CNTN5: variants seen among roughly 807,000 people sequenced by gnomAD.
CNTN5 encodes contactin 5, also known as contactin-5.
In CNTN5, 77 loss-of-function variants were observed where a neutral mutation model predicts 129.1. That is an observed-to-expected ratio of 0.60 (90% CI 0.50 to 0.72). CNTN5 has a LOEUF of 0.72. CNTN5 is among the 30% of genes least tolerant of loss of function. The pLI, the probability that CNTN5 is intolerant of heterozygous loss-of-function variation, is 0.00. For synonymous variants in CNTN5, 509 were observed against 465.6 expected (o/e 1.09, Z -1.20); for missense variants, 1,478 against 1,328.8 (o/e 1.11, Z -1.75).
intron 7 of CNTN5, among the ~76,000 whole-genome samples, chr11:99,921,061 T>A (rs1163010174): frequency 6.6e-6 from 1 of 152,136 alleles, no homozygotes; most frequent in Admixed American, 6.5e-5. Flanking sequence ...AAAGCCCTCA[T>A]CAGAAACCAA....
chr11:100,052,783 G>A (rs1424167231), intron 9 of CNTN5, among the ~76,000 whole-genome samples: 1 of 151,664 alleles, frequency 6.6e-6, no homozygotes, highest in South Asian at 2.1e-4. Flanking sequence ...TAGAAGACTT[G>A]CACTACTTAA....
At chr11:99,847,139 A>G (rs546453023) in intron 6 of CNTN5, among the ~76,000 whole-genome samples, 3 of 152,376 alleles carry the variant, frequency 2.0e-5, no homozygotes, top group African/African-American at 7.2e-5. Context: ...GATACAAGGT[A>G]TACCAGTTAG....
chr11:99,862,175 C>A lies in CNTN5; in HGVS notation c.577+16913C>A, dbSNP rs147499123. On this transcript the variant is annotated intron_variant, in intron 6 of 24. Transcript: ENST00000524871. ...GTTTACAACCCTGGCATCTCTGCATCATATTTAATATGATACTTCCTTTCA... is the reference window on the plus strand; with the variant it reads ...GTTTACAACCCTGGCATCTCTGCATAATATTTAATATGATACTTCCTTTCA... 6.6e-3 allele frequency among the ~76,000 whole-genome samples: 1,009 copies of A among 152,256 alleles called. 10 individuals carry two copies. The highest frequency in any genetic ancestry group is 0.023 in the African/African-American group (945 of 41,552).
chr11:99,209,477 C>G (rs1480479927), intron 1 of CNTN5, among the ~76,000 whole-genome samples: 1 of 15,208 alleles, frequency 6.6e-5, no homozygotes, highest in Non-Finnish European at 1.0e-4. Flanking sequence ...GCAAGTAGAT[C>G]TTGCATGAAC....
chr11:100,077,517 G>A (rs1430718209), intron 13 of CNTN5, among the ~76,000 whole-genome samples: 1 of 151,954 alleles, frequency 6.6e-6, no homozygotes. Flanking sequence ...TAACATAATA[G>A]TATATTATGA....
chr11:99,198,024 T>A (rs976813439), intron 1 of CNTN5, among the ~76,000 whole-genome samples: 1 of 152,118 alleles, frequency 6.6e-6, no homozygotes, highest in Non-Finnish European at 1.5e-5. Flanking sequence ...TTGATGAGAA[T>A]TCGCTGGTAT....
At chr11:100,188,492 T>G (rs765384587) in intron 13 of CNTN5, among the ~76,000 whole-genome samples, 28 of 151,924 alleles carry the variant, frequency 1.8e-4, no homozygotes, top group South Asian at 6.2e-4. Context: ...GAAAAAATGA[T>G]CCACATTACT....
At chr11:99,507,113 C>T (rs1946652316) in intron 2 of CNTN5, among the ~76,000 whole-genome samples, 1 of 152,040 alleles carries the variant, frequency 6.6e-6, no homozygotes, top group Non-Finnish European at 1.5e-5. Flanking sequence ...AAGTTTTTCT[C>T]ACACCTGTAA....
At chr11:99,082,552 T>A (rs1239414068) in intron 1 of CNTN5, among the ~76,000 whole-genome samples, 1 of 152,174 alleles carries the variant, frequency 6.6e-6, no homozygotes, top group Non-Finnish European at 1.5e-5. Context: ...TTCATTTTAG[T>A]GCAAGGAATT....
At chr11:100,045,081 A>G (rs567035972) in intron 9 of CNTN5, among the ~76,000 whole-genome samples, 1 of 151,500 alleles carries the variant, frequency 6.6e-6, no homozygotes, top group East Asian at 2.0e-4. Flanking sequence ...TCGTGTATCT[A>G]CTTACCCCTA....
intron 6 of CNTN5, among the ~76,000 whole-genome samples, chr11:99,910,400 TGAC>T (rs1381651085): frequency 6.6e-6 from 1 of 152,094 alleles, no homozygotes; most frequent in Non-Finnish European, 1.5e-5. Context: ...TGCAGACAAA[TGAC>T]TATGTATTAG....
intron 1 of CNTN5, among the ~76,000 whole-genome samples, chr11:99,173,041 G>T (rs1487023206): frequency 6.6e-6 from 1 of 152,184 alleles, no homozygotes; most frequent in Non-Finnish European, 1.5e-5. Flanking sequence ...GAGAGCTTAT[G>T]CAGGGCAACT....
intron 1 of CNTN5, among the ~76,000 whole-genome samples, chr11:99,323,310 A>G (rs983810921): frequency 3.3e-5 from 5 of 152,174 alleles, no homozygotes; most frequent in African/African-American, 9.6e-5. Context: ...TCATCACAAC[A>G]TACTGTCTTA....
chr11:99,071,184 A>G (rs1203470128), intron 1 of CNTN5, among the ~76,000 whole-genome samples: 1 of 152,166 alleles, frequency 6.6e-6, no homozygotes, highest in African/African-American at 2.4e-5. Context: ...GGCTCAAAGA[A>G]CATAAAATAT....
intron 1 of CNTN5, among the ~76,000 whole-genome samples, chr11:99,234,499 AT>A (rs1429449910): frequency 6.6e-6 from 1 of 150,976 alleles, no homozygotes; most frequent in East Asian, 1.9e-4. Context: ...CTATTATGTA[AT>A]TTCACCCATA....
chr11:99,877,753 T>C (rs1206760866), intron 6 of CNTN5, among the ~76,000 whole-genome samples: 2 of 152,238 alleles, frequency 1.3e-5, no homozygotes, highest in African/African-American at 2.4e-5. Flanking sequence ...ATTTGCATTA[T>C]AGGTTTTCAA....
intron 13 of CNTN5, among the ~76,000 whole-genome samples, chr11:100,096,339 C>T (rs185834878): frequency 6.8e-4 from 104 of 152,106 alleles, no homozygotes; most frequent in Non-Finnish European, 1.1e-3. Context: ...AAAGAGATCG[C>T]GCTTTCAATA....
chr11:99,550,030 G>C (rs930695387), intron 2 of CNTN5, among the ~76,000 whole-genome samples: 1 of 151,940 alleles, frequency 6.6e-6, no homozygotes, highest in African/African-American at 2.4e-5. Context: ...TTTTGTTGAG[G>C]CTTAAAAAAT....
At chr11:100,262,844 C>T (rs908945910) in intron 17 of CNTN5, among the ~76,000 whole-genome samples, 6 of 150,846 alleles carry the variant, frequency 4.0e-5, no homozygotes, top group East Asian at 2.0e-4. Flanking sequence ...ATGTAGATGA[C>T]GGGTTGATGG....
Sources: gnomAD v4.1 joint callset for allele counts (sites outside exome capture counted in the v4.1 genomes callset) on GRCh38, gnomAD v4.1.1 for gene constraint, MANE v1.5 for transcripts, NCBI Gene and HGNC (gene_info 2026-07-23, HGNC 2026-07-21) for gene names.